The following FGGY variants were observed in gnomAD, a reference collection of about 807,000 sequenced individuals.
FGGY encodes the protein FGGY carbohydrate kinase domain containing.
A neutral mutation model predicts 71.3 loss-of-function variants in FGGY; 72 were observed. That is an observed-to-expected ratio of 1.01 (90% CI 0.84 to 1.23). The LOEUF (loss-of-function observed/expected upper bound fraction) is 1.23, where lower values mean the gene tolerates loss of function less well. Among genes scored for constraint, FGGY ranks in the 50% most tolerant of loss-of-function variants. The pLI, the probability that FGGY is intolerant of heterozygous loss-of-function variation, is 0.00. For synonymous variants in FGGY, 251 were observed against 250.3 expected, an observed-to-expected ratio of 1.00 and a Z score of -0.02; for missense variants, 668 against 682.3, an observed-to-expected ratio of 0.98 and a Z score of 0.23.
At chr1:59,346,947 CTTTTTTTTTT>C (rs71580898) in intron 4 of FGGY, among the ~76,000 whole-genome samples, 2 of 112,192 alleles carry the variant, frequency 1.8e-5, no homozygotes, top group Non-Finnish European at 3.8e-5. Flanking sequence ...AAAATCAATT[CTTTTTTTTTT>C]TTTTTTTTTT....
intron 14 of FGGY, chr1:59,697,618 G>A (rs531987291): frequency 2.9e-4 from 360 of 1,248,228 alleles, no homozygotes; most frequent in Middle Eastern, 1.1e-3. Flanking sequence ...AGACTTTGGC[G>A]TGCTTAACAT....
chr1:59,315,997 T>C (rs1190110353), intron 1 of FGGY: 1 of 152,236 alleles, frequency 6.6e-6, no homozygotes, highest in Admixed American at 6.5e-5. Flanking sequence ...ACAACTATTA[T>C]TGCCAAATCA....
At chr1:59,757,518 C>T (rs1574083732) in intron 14 of FGGY, among the ~76,000 whole-genome samples, 14 of 152,274 alleles carry the variant, frequency 9.2e-5, no homozygotes, top group Admixed American at 7.2e-4. Context: ...AGTTCCATTC[C>T]GTGATTGCTA....
intron 5 of FGGY, among the ~76,000 whole-genome samples, chr1:59,412,320 ATCGTGGATGGT>A (rs72120698): frequency 0.17 from 25,577 of 151,946 alleles, 2,703 homozygotes; most frequent in East Asian, 0.36. Context: ...CTTTCTCTCT[ATCGTGGATGGT>A]TCTGAGATAC....
chr1:59,562,898 A>C (rs2095815179), intron 8 of FGGY, among the ~76,000 whole-genome samples: 1 of 152,224 alleles, frequency 6.6e-6, no homozygotes, highest in Non-Finnish European at 1.5e-5. Context: ...GTTTATTGAA[A>C]GCTATTAGCT....
intron 14 of FGGY, among the ~76,000 whole-genome samples, chr1:59,689,559 TA>T (rs77426995): frequency 3.1e-3 from 454 of 145,670 alleles, no homozygotes; most frequent in African/African-American, 9.7e-3. Context: ...AGTCTCACTT[TA>T]AAAAAAAAAA....
At chr1:59,608,645 C>A (rs930178799) in intron 9 of FGGY, among the ~76,000 whole-genome samples, 4 of 152,062 alleles carry the variant, frequency 2.6e-5, no homozygotes, top group Admixed American at 1.3e-4. Context: ...ACAGCCTGAC[C>A]AACATGGTGA....
rs200490773 is a variant in FGGY at position 59,321,766 on chromosome 1, G to A, written c.201+16G>A. ...TGTCACAAAGGTATGGGCAAAACTG[G>A]TGTTCTCTCCTTGTTCATATTCCTA... On this transcript the variant is annotated intron_variant, in intron 2 of 15. Coordinates refer to ENST00000303721, the MANE Select transcript of FGGY (RefSeq NM_018291.5). 1 of 1,603,600 alleles carries A rather than the reference G, an allele frequency of 6.2e-7. No individual in the cohort carries two copies. The highest frequency in any genetic ancestry group is 8.5e-7 in the Non-Finnish European group (1 of 1,175,306).
intron 4 of FGGY, among the ~76,000 whole-genome samples, chr1:59,374,505 A>C (rs2058299857): frequency 1.3e-5 from 2 of 152,298 alleles, no homozygotes; most frequent in East Asian, 1.9e-4. Context: ...GCGATTCCTC[A>C]GGGATCTAGA....
chr1:59,558,000 T>C (rs2095718031), intron 8 of FGGY, among the ~76,000 whole-genome samples: 1 of 152,190 alleles, frequency 6.6e-6, no homozygotes, highest in Admixed American at 6.5e-5. Flanking sequence ...TCTCTATCAT[T>C]GAAGGGATGT....
intron 14 of FGGY, among the ~76,000 whole-genome samples, chr1:59,718,058 T>C (rs2097857958): frequency 6.6e-6 from 1 of 152,170 alleles, no homozygotes; most frequent in Non-Finnish European, 1.5e-5. Context: ...TCCATGCTCT[T>C]ACTTACTGTC....
At chr1:59,492,933 C>A (rs1323965289) in intron 6 of FGGY, among the ~76,000 whole-genome samples, 1 of 152,110 alleles carries the variant, frequency 6.6e-6, no homozygotes, top group Non-Finnish European at 1.5e-5. Flanking sequence ...CAGGTTGCTT[C>A]AAATTGTTAA....
chr1:59,330,840 G>T (rs1352667809), intron 2 of FGGY, among the ~76,000 whole-genome samples: 1 of 152,140 alleles, frequency 6.6e-6, no homozygotes, highest in African/African-American at 2.4e-5. Context: ...GACCAATGGG[G>T]AGCTCCTCTA....
chr1:59,490,478 T>C (rs1212427667), intron 6 of FGGY, among the ~76,000 whole-genome samples: 1 of 152,228 alleles, frequency 6.6e-6, no homozygotes, highest in African/African-American at 2.4e-5. Flanking sequence ...GAATTTTCAC[T>C]GTGTTGATTG....
intron 14 of FGGY, among the ~76,000 whole-genome samples, chr1:59,710,470 T>G (rs1193178695): frequency 6.6e-6 from 1 of 152,044 alleles, no homozygotes; most frequent in Non-Finnish European, 1.5e-5. Context: ...ACTAAAGAGC[T>G]TCTGCACAGC....
chr1:59,417,404 A>T (rs149013805), intron 5 of FGGY, among the ~76,000 whole-genome samples: 1 of 152,320 alleles, frequency 6.6e-6, no homozygotes, highest in African/African-American at 2.4e-5. Flanking sequence ...TGATTGATGT[A>T]CAAGTTTTTA....
chr1:59,643,283 A>G (rs2097056564), intron 11 of FGGY, among the ~76,000 whole-genome samples: 2 of 152,062 alleles, frequency 1.3e-5, no homozygotes, highest in South Asian at 4.1e-4. Flanking sequence ...TGAACTTCTG[A>G]GCTCAAGCAG....
At chr1:59,611,977 C>G (rs950887000) in intron 9 of FGGY, among the ~76,000 whole-genome samples, 1 of 152,176 alleles carries the variant, frequency 6.6e-6, no homozygotes, top group Non-Finnish European at 1.5e-5. Flanking sequence ...CGAACAAAGC[C>G]TCCAAGAAAT....
intron 8 of FGGY, among the ~76,000 whole-genome samples, chr1:59,595,538 A>C (rs1186163487): frequency 3.3e-5 from 5 of 152,036 alleles, no homozygotes; most frequent in Admixed American, 1.3e-4. Flanking sequence ...AAAATACAAA[A>C]AATTAGCCGG....
Sources: allele counts gnomAD v4.1 joint callset (sites outside exome capture counted in the v4.1 genomes callset), GRCh38; gene constraint gnomAD v4.1.1; transcripts MANE v1.5; gene names NCBI Gene and HGNC (gene_info 2026-07-23, HGNC 2026-07-21).